HACE1: variants seen among roughly 807,000 people sequenced by gnomAD.
HACE1 encodes E3 ubiquitin-protein ligase HACE1.
In HACE1, 73 loss-of-function variants were observed where a neutral mutation model predicts 118.4. The ratio of observed to expected loss-of-function variants is 0.62; its 90% CI spans 0.51 to 0.75. The LOEUF is 0.75. Ranked by LOEUF, HACE1 falls within the 30% of genes least tolerant of loss-of-function variation. The pLI, the probability that HACE1 is intolerant of heterozygous loss-of-function variation, is 0.00. For synonymous variants in HACE1, 368 were observed against 374.8 expected (o/e 0.98, Z 0.21); for missense variants, 749 against 1,102.2 (o/e 0.68, Z 4.54).
At chr6:104,758,549 GC>G (rs1778973357) in intron 19 of HACE1, among the ~76,000 whole-genome samples, 2 of 151,698 alleles carry the variant, frequency 1.3e-5, no homozygotes, top group Non-Finnish European at 2.9e-5. Context: ...CCTGAAGGAA[GC>G]ACTAAACATG....
chr6:104,740,463 A>T (rs1346358227), intron 22 of HACE1, among the ~76,000 whole-genome samples: 11 of 152,240 alleles, frequency 7.2e-5, no homozygotes, highest in African/African-American at 2.7e-4. Flanking sequence ...TGCACTAAAA[A>T]ATGATAAAGG....
At chr6:104,844,405 G>A (rs1394187037) in intron 4 of HACE1, among the ~76,000 whole-genome samples, 3 of 135,404 alleles carry the variant, frequency 2.2e-5, no homozygotes, top group African/African-American at 8.5e-5. Flanking sequence ...GTGCAGTGAT[G>A]CGATCTCGGC....
chr6:104,843,624 A>G (rs1360487112), intron 4 of HACE1, among the ~76,000 whole-genome samples: 2 of 152,200 alleles, frequency 1.3e-5, no homozygotes, highest in East Asian at 3.9e-4. Context: ...AATATAACAA[A>G]ATACAAGTCT....
At chr6:104,803,980 A>C (rs932825373) in intron 7 of HACE1, among the ~76,000 whole-genome samples, 44 of 152,334 alleles carry the variant, frequency 2.9e-4, no homozygotes, top group Admixed American at 9.8e-4. Flanking sequence ...GTCTCAGCCC[A>C]AAATCTCCTT....
intron 17 of HACE1, among the ~76,000 whole-genome samples, chr6:104,773,516 A>G (rs2114722963): frequency 6.6e-6 from 1 of 152,348 alleles, no homozygotes; most frequent in African/African-American, 2.4e-5. Flanking sequence ...AAGACCTGGT[A>G]TTAAAAGCCA....
rs1164103043 is a variant in HACE1 at position 104,813,011 on chromosome 6, T to C, written c.535-1618A>G. 5.6e-5 allele frequency among the ~76,000 whole-genome samples: 5 copies of C among 88,524 alleles called. 2 individuals are homozygous for C. The highest frequency in any genetic ancestry group is 1.2e-4 in the Non-Finnish European group (5 of 43,248). The allele number at this position is 88,524 out of a possible 152,430, so 58.1% of individuals were successfully genotyped here. ...ACAAGACACACAGGTAGAGCAAAGA[T>C]GAGGAGCCATCGTGAAAACAACAAA... On this transcript the variant is annotated intron_variant, in intron 6 of 23. Coordinates refer to ENST00000262903, the MANE Select transcript of HACE1 (RefSeq NM_020771.4).
intron 11 of HACE1, chr6:104,787,454 C>G (rs1322286885): frequency 6.6e-6 from 1 of 152,024 alleles, no homozygotes; most frequent in East Asian, 1.9e-4. Context: ...TCTTTATGAG[C>G]AAAACACTGA....
rs1554244638 is a variant in HACE1 at position 104,795,638 on chromosome 6, G to A, written c.864C>T (p.Tyr288=). ...EHLSQQSESQ[Y]LKILTSLAEV... is the part of the protein sequence containing the mutation. ...CAGCAAGGCTTGTTAGAATCTTTAG[G>A]TACTGGCTTTCACTTTGCTGAGACA... The change falls in exon 10 of 24, where the codon TAC becomes TAT. Residue 288 remains tyrosine, a synonymous_variant. Transcript: ENST00000262903. 1 of 1,613,218 alleles carries A rather than the reference G, an allele frequency of 6.2e-7. No individual in the cohort carries two copies.
At chr6:104,847,356 T>C (rs1307391967) in intron 4 of HACE1, among the ~76,000 whole-genome samples, 2 of 152,256 alleles carry the variant, frequency 1.3e-5, no homozygotes, top group African/African-American at 4.8e-5. Flanking sequence ...TGGAATAATG[T>C]ACCTAGACCT....
chr6:104,740,314 A>G (rs1214118832), intron 22 of HACE1, among the ~76,000 whole-genome samples: 3 of 149,706 alleles, frequency 2.0e-5, no homozygotes, highest in Non-Finnish European at 4.4e-5. Flanking sequence ...AAATAACTAA[A>G]ATCAGAGCAG....
At chr6:104,733,685 C>T (rs183457803) in intron 22 of HACE1, among the ~76,000 whole-genome samples, 383 of 151,242 alleles carry the variant, frequency 2.5e-3, no homozygotes, top group African/African-American at 8.9e-3. Context: ...CCCGTCTCTA[C>T]TAAAAATACA....
intron 1 of HACE1, among the ~76,000 whole-genome samples, chr6:104,856,663 G>A (rs979538285): frequency 1.3e-5 from 2 of 152,084 alleles, no homozygotes; most frequent in African/African-American, 4.8e-5. Flanking sequence ...TCACACTCCT[G>A]ACCTCAGGTG....
At chr6:104,820,120 G>A (rs552297760) in intron 6 of HACE1, among the ~76,000 whole-genome samples, 2 of 151,764 alleles carry the variant, frequency 1.3e-5, no homozygotes, top group South Asian at 2.1e-4. Context: ...GCTTGAACCC[G>A]GGAGGTGGAG....
chr6:104,771,412 AG>A, intron 18 of HACE1, 23 bp from the exon 19 acceptor site: 3 of 1,526,488 alleles, frequency 2.0e-6, no homozygotes, highest in Non-Finnish European at 1.8e-6. Flanking sequence ...AACATACAGC[AG>A]TTATAGTCTG....
At chr6:104,751,520 T>G (rs79890500) in intron 19 of HACE1, among the ~76,000 whole-genome samples, 1 of 152,108 alleles carries the variant, frequency 6.6e-6, no homozygotes, top group African/African-American at 2.4e-5. Flanking sequence ...TCCTAGTTAC[T>G]AGGGGAGGCT....
At chr6:104,787,320 CGGTTGACAGATTT>C (rs1782534385) in intron 11 of HACE1, 1 of 152,144 alleles carries the variant, frequency 6.6e-6, no homozygotes, top group African/African-American at 2.4e-5. Context: ...ATACTCACAA[CGGTTGACAGATTT>C]GGAGTCCCTG....
At chr6:104,758,800 C>A (rs1476114515) in intron 19 of HACE1, among the ~76,000 whole-genome samples, 2 of 151,864 alleles carry the variant, frequency 1.3e-5, no homozygotes, top group Non-Finnish European at 2.9e-5. Context: ...ATTCAGGAGA[C>A]CCATCTCACG....
chr6:104,742,008 G>C (rs202157348), intron 22 of HACE1, among the ~76,000 whole-genome samples: 1 of 145,466 alleles, frequency 6.9e-6, no homozygotes, highest in South Asian at 2.2e-4. Flanking sequence ...ATAACGCCAC[G>C]TATCTACAAC....
chr6:104,764,099 G>C (rs962684678), intron 19 of HACE1, among the ~76,000 whole-genome samples: 7 of 151,986 alleles, frequency 4.6e-5, no homozygotes, highest in African/African-American at 1.7e-4. Flanking sequence ...TTGTGAGACA[G>C]AGTCTCACTC....
Sources: gnomAD v4.1 joint callset for allele counts (sites outside exome capture counted in the v4.1 genomes callset) on GRCh38, gnomAD v4.1.1 for gene constraint, MANE v1.5 for transcripts, NCBI Gene and HGNC (gene_info 2026-07-23, HGNC 2026-07-21) for gene names.